Variants in DACH1 observed in about 807,000 individuals in gnomAD.
DACH1 encodes the protein dachshund homolog 1.
In DACH1, 12 loss-of-function variants were observed where a neutral mutation model predicts 54.2. The observed-to-expected ratio is 0.22, with a 90% CI of 0.14 to 0.36. The LOEUF (loss-of-function observed/expected upper bound fraction) is 0.36, where lower values mean the gene tolerates loss of function less well. Ranked by LOEUF, DACH1 falls within the 10% of genes least tolerant of loss-of-function variation. The pLI, the probability that DACH1 is intolerant of heterozygous loss-of-function variation, is 1.00. For synonymous variants in DACH1, 386 were observed against 366.2 expected (o/e 1.05, Z -0.62); for missense variants, 805 against 929.8 (o/e 0.87, Z 1.75).
intron 2 of DACH1, among the ~76,000 whole-genome samples, chr13:71,663,923 A>C (rs888212424): frequency 7.2e-5 from 11 of 152,140 alleles, no homozygotes; most frequent in African/African-American, 2.6e-4. Flanking sequence ...AAACAGATTT[A>C]AGTGAATCAC....
chr13:71,514,838 C>A lies in DACH1; in HGVS notation c.1571-25690G>T, dbSNP rs190061846. The stretch of plus-strand genomic sequence containing the variant: ...CTTAGGGTAATTTATTTTTGTTAGA[C>A]CTTAGAATTCTTGTCAGCTTATATG... On this transcript the variant is annotated intron_variant, in intron 6 of 10. Coordinates refer to ENST00000613252, the MANE Select transcript of DACH1 (RefSeq NM_080759.6). Among the ~76,000 whole-genome samples, 671 of 151,908 alleles carry A rather than the reference C, an allele frequency of 4.4e-3. 4 individuals are homozygous for A. The highest frequency in any genetic ancestry group is 7.5e-3 in the Non-Finnish European group (510 of 67,862).
At chr13:71,693,326 A>T (rs1278073247) in intron 1 of DACH1, among the ~76,000 whole-genome samples, 2 of 116,830 alleles carry the variant, frequency 1.7e-5, no homozygotes, top group African/African-American at 9.4e-5. Flanking sequence ...TTTTGAGACA[A>T]GAGTCTCGCT....
chr13:71,739,212 A>G (rs763482664), intron 1 of DACH1, among the ~76,000 whole-genome samples: 2 of 152,100 alleles, frequency 1.3e-5, no homozygotes, highest in Non-Finnish European at 2.9e-5. Flanking sequence ...AGATCGCGCC[A>G]TTGCATTCCA....
rs1488483997 is a variant in DACH1, at chr13:71,541,956, A to C, written c.1570+15068T>G. On this transcript the variant is annotated intron_variant, in intron 6 of 10. Coordinates refer to ENST00000613252, the MANE Select transcript of DACH1 (RefSeq NM_080759.6). Reference sequence around the variant, plus strand: ...TTTTTTTTTTTTTTTTTTCATCTTCACAAATTTCAGGCCGGGTACGATGGC... The same window carrying C: ...TTTTTTTTTTTTTTTTTTCATCTTCCCAAATTTCAGGCCGGGTACGATGGC... Among the ~76,000 whole-genome samples, 17 of 128,550 alleles carry C rather than the reference A, an allele frequency of 1.3e-4. No individual in the cohort carries two copies. The East Asian group carries it at 2.6e-3, about 20-fold the overall frequency. The allele number at this position is 128,550 out of a possible 152,430, so 84.3% of individuals were successfully genotyped here.
intron 1 of DACH1, among the ~76,000 whole-genome samples, chr13:71,770,289 C>T (rs563888570): frequency 2.1e-4 from 32 of 151,622 alleles, no homozygotes; most frequent in African/African-American, 7.2e-4. Context: ...TCACACTCAC[C>T]GAACAGTCTA....
chr13:71,477,562 C>T (rs556883348), intron 8 of DACH1, among the ~76,000 whole-genome samples: 8 of 152,206 alleles, frequency 5.3e-5, no homozygotes, highest in African/African-American at 1.9e-4. Flanking sequence ...TGATTTTAAA[C>T]GTTAATTTCC....
intron 6 of DACH1, among the ~76,000 whole-genome samples, chr13:71,535,599 T>C (rs985925529): frequency 3.3e-5 from 5 of 151,876 alleles, no homozygotes; most frequent in Non-Finnish European, 5.9e-5. Flanking sequence ...CGCATTTTTT[T>C]CCCCCCAAGA....
intron 1 of DACH1, among the ~76,000 whole-genome samples, chr13:71,692,598 C>T (rs1257063362): frequency 7.0e-6 from 1 of 141,946 alleles, no homozygotes. Context: ...TCTTGGCTCA[C>T]CGCAACCTCT....
At chr13:71,862,492 A>T (rs1874423645) in intron 1 of DACH1, among the ~76,000 whole-genome samples, 2 of 152,062 alleles carry the variant, frequency 1.3e-5, no homozygotes, top group South Asian at 4.1e-4. Flanking sequence ...GACAACTTTT[A>T]AATATATGTC....
chr13:71,447,268 A>G (rs1038462245), intron 10 of DACH1, among the ~76,000 whole-genome samples: 1 of 152,158 alleles, frequency 6.6e-6, no homozygotes, highest in Non-Finnish European at 1.5e-5. Context: ...GCAACCATCA[A>G]ATCAGACCCA....
intron 1 of DACH1, among the ~76,000 whole-genome samples, chr13:71,785,526 T>A (rs1886555159): frequency 6.6e-6 from 1 of 152,182 alleles, no homozygotes; most frequent in South Asian, 2.1e-4. Flanking sequence ...GACAATCATA[T>A]CTGTCTTATA....
chr13:71,458,210 AG>A (rs569764695), intron 10 of DACH1, among the ~76,000 whole-genome samples: 1 of 151,926 alleles, frequency 6.6e-6, no homozygotes, highest in Non-Finnish European at 1.5e-5. Flanking sequence ...AAAACAGCAG[AG>A]GCCAGATTTT....
intron 3 of DACH1, among the ~76,000 whole-genome samples, chr13:71,611,676 C>T (rs1268620489): frequency 6.6e-6 from 1 of 152,086 alleles, no homozygotes; most frequent in Non-Finnish European, 1.5e-5. Context: ...TTTTCTATAC[C>T]AGCAATGTAA....
intron 2 of DACH1, chr13:71,675,230 A>G (rs1426599560): frequency 1.3e-6 from 2 of 1,573,816 alleles, no homozygotes; most frequent in East Asian, 2.2e-5. Flanking sequence ...AGACGTTATC[A>G]GAAGTCCACT....
intron 2 of DACH1, among the ~76,000 whole-genome samples, chr13:71,641,839 T>C (rs1449677978): frequency 1.3e-5 from 2 of 152,182 alleles, no homozygotes; most frequent in Admixed American, 1.3e-4. Flanking sequence ...GTTCAAAAAA[T>C]AAATGGTGTT....
At chr13:71,798,012 C>T (rs1469090611) in intron 1 of DACH1, among the ~76,000 whole-genome samples, 1 of 151,978 alleles carries the variant, frequency 6.6e-6, no homozygotes. Flanking sequence ...TTAAACTCCA[C>T]TTTAAGTCCC....
intron 5 of DACH1, among the ~76,000 whole-genome samples, 177 bp downstream of exon 5, chr13:71,559,643 T>C (rs1433875807): frequency 2.6e-5 from 4 of 152,184 alleles, no homozygotes; most frequent in African/African-American, 9.7e-5. Flanking sequence ...GTTAATGTAG[T>C]ATCATACCTC....
intron 5 of DACH1, among the ~76,000 whole-genome samples, chr13:71,557,866 C>G (rs1279425923): frequency 7.2e-6 from 1 of 139,284 alleles, no homozygotes; most frequent in Non-Finnish European, 1.6e-5. Context: ...AAAAAAGTTA[C>G]TGAAAGACAA....
At chr13:71,590,032 C>T (rs751310765) in intron 3 of DACH1, among the ~76,000 whole-genome samples, 8 of 151,888 alleles carry the variant, frequency 5.3e-5, no homozygotes, top group Non-Finnish European at 7.4e-5. Flanking sequence ...AGTGTTTATG[C>T]TAAACATAAA....
Sources: allele counts gnomAD v4.1 joint callset (sites outside exome capture counted in the v4.1 genomes callset), GRCh38; gene constraint gnomAD v4.1.1; transcripts MANE v1.5; gene names NCBI Gene and HGNC (gene_info 2026-07-23, HGNC 2026-07-21).